The following BMERB1 variants were observed in gnomAD, a reference collection of about 807,000 sequenced individuals.
The protein encoded by BMERB1 is bMERB domain-containing protein 1.
Under a neutral mutation model 23.6 loss-of-function variants are expected in BMERB1, and 12 were observed. The ratio of observed to expected loss-of-function variants is 0.51; its 90% CI spans 0.33 to 0.82. BMERB1 has a LOEUF of 0.82. Among genes scored for constraint, BMERB1 ranks in the 40% least tolerant of loss-of-function variants. The pLI, the probability that BMERB1 is intolerant of heterozygous loss-of-function variation, is 0.03. For synonymous variants in BMERB1, 122 were observed against 96.6 expected (o/e 1.26, Z -1.54); for missense variants, 247 against 255.4 (o/e 0.97, Z 0.22).
intron 1 of BMERB1, among the ~76,000 whole-genome samples, chr16:15,508,955 C>T (rs1273536070): frequency 6.6e-6 from 1 of 152,056 alleles, no homozygotes; most frequent in Admixed American, 6.6e-5. Flanking sequence ...GGCTTCGTTC[C>T]TTTCTCTTGG....
intron 3 of BMERB1, among the ~76,000 whole-genome samples, chr16:15,578,680 C>T (rs1430906391): frequency 1.3e-5 from 2 of 152,062 alleles, no homozygotes; most frequent in African/African-American, 4.8e-5. Context: ...TGGTGACGGC[C>T]TGTTCCTTAT....
At chr16:15,532,827 G>A (rs563813211) in intron 2 of BMERB1, among the ~76,000 whole-genome samples, 1 of 152,288 alleles carries the variant, frequency 6.6e-6, no homozygotes, top group Admixed American at 6.5e-5. Context: ...TTACAGGCGT[G>A]AGCCACCGCG....
At chr16:15,452,527 C>T (rs939851575) in intron 1 of BMERB1, among the ~76,000 whole-genome samples, 1 of 152,092 alleles carries the variant, frequency 6.6e-6, no homozygotes, top group African/African-American at 2.4e-5. Flanking sequence ...TGGGGGAGAA[C>T]ACAGAGAAGA....
chr16:15,442,852 G>A (rs184048697), intron 1 of BMERB1, among the ~76,000 whole-genome samples: 1 of 152,234 alleles, frequency 6.6e-6, no homozygotes, highest in Admixed American at 6.6e-5. Context: ...GTTATTCTTG[G>A]TTCAGTGCTG....
At position 15,548,147 on chromosome 16, in the gene BMERB1, G is replaced by A. The variant is rs374192514; in HGVS notation, c.231-19836G>A. On this transcript the variant is annotated intron_variant, in intron 2 of 5. Transcript: ENST00000300006. ...TTACAGCTGTGCACCACCATGCCTG[G>A]CTAATTTTTGTATTTTTAGTAGAGA... 3.3e-5 allele frequency among the ~76,000 whole-genome samples: 5 copies of A among 152,046 alleles called. No individual in the cohort carries two copies. The East Asian group carries it at 5.8e-4, about 18-fold the overall frequency.
intron 1 of BMERB1, among the ~76,000 whole-genome samples, chr16:15,505,845 G>A (rs947280399): frequency 1.3e-5 from 2 of 148,170 alleles, no homozygotes; most frequent in Non-Finnish European, 3.0e-5. Context: ...CCAAGATCAC[G>A]CCACTGCACT....
intron 2 of BMERB1, among the ~76,000 whole-genome samples, chr16:15,528,640 C>T (rs2150958461): frequency 6.6e-6 from 1 of 151,954 alleles, no homozygotes; most frequent in South Asian, 2.1e-4. Context: ...CACACCAGGT[C>T]CCCTCCTGCC....
At chr16:15,534,337 T>A (rs2052004188) in intron 2 of BMERB1, among the ~76,000 whole-genome samples, 1 of 140,052 alleles carries the variant, frequency 7.1e-6, no homozygotes, top group Non-Finnish European at 1.5e-5. Flanking sequence ...GCGCGGTGGC[T>A]CACGTCTGTA....
intron 3 of BMERB1, among the ~76,000 whole-genome samples, chr16:15,579,948 A>G (rs2030965431): frequency 1.3e-5 from 2 of 152,206 alleles, no homozygotes; most frequent in Admixed American, 1.3e-4. Context: ...GCAATTTAGT[A>G]TGCAGGATGT....
At chr16:15,478,135 T>C (rs1458920745) in intron 1 of BMERB1, among the ~76,000 whole-genome samples, 2 of 151,738 alleles carry the variant, frequency 1.3e-5, no homozygotes, top group East Asian at 3.8e-4. Context: ...ATTCAAGTCA[T>C]AAAGATAGCT....
chr16:15,462,915 G>A lies in BMERB1; in HGVS notation c.106+28156G>A, dbSNP rs952152566. 2.0e-5 allele frequency among the ~76,000 whole-genome samples: 3 copies of A among 152,148 alleles called. No homozygotes were observed. The South Asian group carries it at 6.2e-4, about 32-fold the overall frequency. On this transcript the variant is annotated intron_variant, in intron 1 of 5. Coordinates refer to ENST00000300006, the MANE Select transcript of BMERB1 (RefSeq NM_033201.3). ...AGGAAGTCCAACGCCACCAGCACTA[G>A]ATCCTTCAACAATGCAGAGTCCTCC...
chr16:15,544,145 C>G (rs1462180547), intron 2 of BMERB1, among the ~76,000 whole-genome samples: 1 of 152,166 alleles, frequency 6.6e-6, no homozygotes, highest in Non-Finnish European at 1.5e-5. Context: ...AGCATGTTAA[C>G]CAGATTTCTC....
chr16:15,580,049 T>G (rs1175822666), intron 3 of BMERB1, among the ~76,000 whole-genome samples: 1 of 151,980 alleles, frequency 6.6e-6, no homozygotes, highest in Non-Finnish European at 1.5e-5. Context: ...ATGCATTAGC[T>G]ATTTTTCCTG....
At chr16:15,538,896 G>T (rs1378615355) in intron 2 of BMERB1, among the ~76,000 whole-genome samples, 2 of 152,164 alleles carry the variant, frequency 1.3e-5, no homozygotes, top group African/African-American at 2.4e-5. Context: ...GGAGGCAGGA[G>T]CCTGGGTTGA....
chr16:15,560,661 C>G (rs549689402), intron 2 of BMERB1, among the ~76,000 whole-genome samples: 1 of 151,818 alleles, frequency 6.6e-6, no homozygotes, highest in African/African-American at 2.4e-5. Flanking sequence ...GGTGTGGTGG[C>G]GCCTCCCTGT....
chr16:15,458,202 G>T (rs1301020652), intron 1 of BMERB1, among the ~76,000 whole-genome samples: 9 of 152,172 alleles, frequency 5.9e-5, no homozygotes, highest in African/African-American at 1.9e-4. Flanking sequence ...CTTTTGTGAA[G>T]GCAGCATATT....
intron 1 of BMERB1, among the ~76,000 whole-genome samples, chr16:15,435,090 A>C (rs1479549467): frequency 6.6e-6 from 1 of 152,184 alleles, no homozygotes; most frequent in East Asian, 1.9e-4. Flanking sequence ...CCCAGGGAGG[A>C]GGATCCTCTC....
rs996016282 is a variant in BMERB1 at position 15,467,969 on chromosome 16, A to C, written c.106+33210A>C. On this transcript the variant is annotated intron_variant, in intron 1 of 5. Coordinates refer to ENST00000300006, the MANE Select transcript of BMERB1 (RefSeq NM_033201.3). ...GAGTTAAGTTATTGTCTACAGACTGAGAATCAATAGAAAGGAATGTCTGGG... is the reference window on the plus strand; with the variant it reads ...GAGTTAAGTTATTGTCTACAGACTGCGAATCAATAGAAAGGAATGTCTGGG... 7.9e-5 allele frequency among the ~76,000 whole-genome samples: 12 copies of C among 152,258 alleles called. No individual in the cohort carries two copies. In the East Asian group the frequency reaches 9.6e-4, roughly 12 times the overall value.
At chr16:15,453,796 C>T (rs1045584962) in intron 1 of BMERB1, among the ~76,000 whole-genome samples, 1 of 151,590 alleles carries the variant, frequency 6.6e-6, no homozygotes, top group Non-Finnish European at 1.5e-5. Flanking sequence ...ATCACTTGAA[C>T]CTGGGAGGTG....
Sources: gnomAD v4.1 joint callset for allele counts (sites outside exome capture counted in the v4.1 genomes callset) on GRCh38, gnomAD v4.1.1 for gene constraint, MANE v1.5 for transcripts, NCBI Gene and HGNC (gene_info 2026-07-23, HGNC 2026-07-21) for gene names.